The following ATIC variants were observed in gnomAD, a reference collection of about 807,000 sequenced individuals.
The protein encoded by ATIC is bifunctional purine biosynthesis protein ATIC.
Under a neutral mutation model 72.5 loss-of-function variants are expected in ATIC, and 64 were observed. That is an observed-to-expected ratio of 0.88 (90% CI 0.72 to 1.09). ATIC has a LOEUF of 1.09. Ranked by LOEUF, ATIC falls within the 50% of genes least tolerant of loss-of-function variation. The probability of loss-of-function intolerance (pLI) is 0.00; values close to 1 mark genes in which losing one functional copy is unlikely to be tolerated. For missense variants in ATIC, 787 were observed against 732.4 expected (o/e 1.07, Z -0.86); for synonymous variants, 281 against 267.1 (o/e 1.05, Z -0.51).
chr2:215,344,770 G>T lies in ATIC; in HGVS notation c.1228-9G>T. ...CCCCATGCAATTTACCATTGTGTATGTGTTTCAGTTGCCAGAGTCTGCCCT... is the reference window on the plus strand; with the variant it reads ...CCCCATGCAATTTACCATTGTGTATTTGTTTCAGTTGCCAGAGTCTGCCCT... On this transcript the variant is annotated splice_polypyrimidine_tract_variant and intron_variant, in intron 12 of 15. Transcript: ENST00000236959. 2 of 1,612,262 alleles carry T rather than the reference G, an allele frequency of 1.2e-6. No individual in the cohort carries two copies. The highest frequency in any genetic ancestry group is 1.7e-6 in the Non-Finnish European group (2 of 1,178,528).
At chr2:215,362,249 C>A in the ATIC span, 1 of 647,086 alleles carries the variant, frequency 1.5e-6, no homozygotes, top group South Asian at 1.7e-5. Context: ...ACTCTTAATA[C>A]ATTTTGGCTT....
At chr2:215,319,622 T>G in intron 3 of ATIC, 43 bp from the exon 4 acceptor site, 1 of 1,379,010 alleles carries the variant, frequency 7.3e-7, no homozygotes, top group Non-Finnish European at 1.0e-6. Flanking sequence ...TAATCTGACT[T>G]GTTTTTTGAA....
intron 2 of ATIC, among the ~76,000 whole-genome samples, chr2:215,314,157 T>C (rs2052684674): frequency 1.3e-5 from 2 of 152,226 alleles, no homozygotes; most frequent in South Asian, 2.1e-4. Context: ...ATCTTCATTA[T>C]GGTCATATCT....
At chr2:215,340,243 A>T (rs957077854) in intron 12 of ATIC, among the ~76,000 whole-genome samples, 5 of 152,190 alleles carry the variant, frequency 3.3e-5, no homozygotes, top group African/African-American at 1.2e-4. Context: ...TTTAACACTT[A>T]GGTCACTCTA....
intron 4 of ATIC, among the ~76,000 whole-genome samples, chr2:215,322,233 A>C (rs907217888): frequency 6.6e-6 from 1 of 151,124 alleles, no homozygotes; most frequent in African/African-American, 2.4e-5. Flanking sequence ...ATGATGTTGA[A>C]TTTATTTTTT....
the ATIC span, chr2:215,362,514 T>C: frequency 2.2e-5 from 5 of 222,480 alleles, no homozygotes; most frequent in Non-Finnish European, 3.7e-5. Context: ...GAGGAGTGAC[T>C]TGCTTAGAGG....
chr2:215,350,360 C>T (rs2106050340), downstream of ATIC, among the ~76,000 whole-genome samples: 1 of 152,290 alleles, frequency 6.6e-6, no homozygotes, highest in East Asian at 1.9e-4. Flanking sequence ...GTCTCGAACT[C>T]TTGACCTCAT....
intron 7 of ATIC, among the ~76,000 whole-genome samples, chr2:215,328,678 A>G (rs531063712): frequency 1.9e-4 from 28 of 149,450 alleles, no homozygotes; most frequent in East Asian, 1.8e-3. Context: ...TTTCTATTCA[A>G]TCTGTTCAAA....
At chr2:215,345,987 G>A (rs889283278) in intron 13 of ATIC, among the ~76,000 whole-genome samples, 17 of 152,052 alleles carry the variant, frequency 1.1e-4, no homozygotes, top group Non-Finnish European at 2.9e-5. Context: ...AGAAATAGAG[G>A]AAAGAAGGAA....
Position 215,338,711 on chromosome 2 carries a change from T to C in ATIC, c.1099-68T>C, listed in dbSNP as rs191274497. On this transcript the variant is annotated intron_variant, in intron 11 of 15. Transcript: ENST00000236959. ...TTTACTTACAATGAAATCTTTTGTA[T>C]ATAAATTAAATGAAAAATTTGAGGG... 3.5e-5 allele frequency: 53 copies of C among 1,516,974 alleles called. No individual in the cohort carries two copies. In the Admixed American group the frequency reaches 5.2e-4, roughly 15 times the overall value. 94.0% of individuals were successfully genotyped at this position (1,516,974 alleles called of 1,614,324 possible).
chr2:215,359,149 A>T, the ATIC span, among the ~76,000 whole-genome samples: 1 of 152,136 alleles, frequency 6.6e-6, no homozygotes, highest in Non-Finnish European at 1.5e-5. Flanking sequence ...GCCTCAAAGT[A>T]CTGGGATTAC....
the ATIC span, chr2:215,362,034 G>C: frequency 6.2e-7 from 1 of 1,614,110 alleles, no homozygotes; most frequent in South Asian, 1.1e-5. Flanking sequence ...GTGCCTTCGG[G>C]ACTGGGTTCA....
Position 215,349,249 on chromosome 2 carries a change from G to A in ATIC, c.1659G>A (p.Arg553=). The A allele has an allele frequency of 6.2e-7, 1 of 1,614,084 alleles. No individual in the cohort carries two copies. The highest frequency in any genetic ancestry group is 8.5e-7 in the Non-Finnish European group (1 of 1,180,020). The change falls in exon 15 of 16, where the codon AGG becomes AGA. Residue 553 remains arginine (R), a splice_region_variant and synonymous_variant. Transcript: ENST00000236959. ...PFRDNVDRAK[R]SGVAYIAAPS... is the part of the protein sequence containing the mutation. ...GAGATAACGTAGACAGAGCTAAAAG[G>A]GTAAGTATGGAATTGGGTGCATTTG...
intron 2 of ATIC, among the ~76,000 whole-genome samples, chr2:215,314,117 T>C (rs1333165695): frequency 1.3e-5 from 2 of 152,208 alleles, no homozygotes; most frequent in African/African-American, 2.4e-5. Context: ...TGATTAGTCT[T>C]GTTTCTGTAC....
chr2:215,359,856 G>T, the ATIC span, among the ~76,000 whole-genome samples: 2 of 151,760 alleles, frequency 1.3e-5, no homozygotes, highest in Non-Finnish European at 2.9e-5. Flanking sequence ...AAAGTGCTTT[G>T]CATGTCTTGT....
chr2:215,318,093 T>C (rs762539306), intron 2 of ATIC, 64 bp from the exon 3 acceptor site: 1 of 1,419,538 alleles, frequency 7.0e-7, no homozygotes, highest in Middle Eastern at 1.8e-4. Flanking sequence ...CAGTAGATGC[T>C]TTGAATAGTG....
rs776438273 is a variant in ATIC at position 215,318,198 on chromosome 2, G to GA, written c.189dup (p.Arg64ThrfsTer17). On this transcript the variant is annotated frameshift_variant, in exon 3 of 16. Transcript: ENST00000236959. LOFTEE classifies it high-confidence loss of function. ...ACGGGATTTCCTGAAATGTTGGGGG[G>GA]ACGTGTGAAAACTTTGCATCCTGCA... 1 of 1,614,136 alleles carries GA rather than the reference G, an allele frequency of 6.2e-7. No individual in the cohort carries two copies. The highest frequency in any genetic ancestry group is 8.5e-7 in the Non-Finnish European group (1 of 1,180,008).
intron 11 of ATIC, among the ~76,000 whole-genome samples, chr2:215,337,325 C>G (rs1282204547): frequency 6.6e-6 from 1 of 152,102 alleles, no homozygotes. Flanking sequence ...ACCATAGATT[C>G]CATGTCAGCT....
chr2:215,344,015 T>C (rs1206244510), intron 12 of ATIC, among the ~76,000 whole-genome samples: 1 of 152,212 alleles, frequency 6.6e-6, no homozygotes, highest in East Asian at 1.9e-4. Context: ...ATGATCGTAA[T>C]TTGATTTTTC....
Sources: allele counts gnomAD v4.1 joint callset (sites outside exome capture counted in the v4.1 genomes callset), GRCh38; gene constraint gnomAD v4.1.1; transcripts MANE v1.5; gene names NCBI Gene and HGNC (gene_info 2026-07-23, HGNC 2026-07-21).